Variants in SPDL1 observed in about 807,000 individuals in gnomAD.
The protein encoded by SPDL1 is spindle apparatus coiled-coil protein 1.
In SPDL1, 85 loss-of-function variants were observed where a neutral mutation model predicts 79.5. The observed-to-expected ratio is 1.07, with a 90% CI of 0.90 to 1.28. The LOEUF (loss-of-function observed/expected upper bound fraction) is 1.28. SPDL1 is among the 50% of genes most tolerant of loss of function. SPDL1 has a pLI of 0.00. For synonymous variants in SPDL1, 269 were observed against 240.3 expected, an observed-to-expected ratio of 1.12 and a Z score of -1.10; for missense variants, 703 against 697.8, an observed-to-expected ratio of 1.01 and a Z score of -0.08.
At chr5:169,590,500 A>G (rs1489412132) in intron 2 of SPDL1, among the ~76,000 whole-genome samples, 1 of 152,212 alleles carries the variant, frequency 6.6e-6, no homozygotes, top group Non-Finnish European at 1.5e-5. Context: ...TTAATGTCTA[A>G]ACTTCCCTGT....
Position 169,588,666 on chromosome 5 carries a change from T to C in SPDL1, c.159+91T>C, listed in dbSNP as rs536150345. The C allele has an allele frequency of 1.4e-4, 171 of 1,220,752 alleles. 1 individual carries two copies. In the African/African-American group the frequency reaches 2.5e-3, roughly 18 times the overall value. 75.6% of individuals were successfully genotyped at this position (1,220,752 alleles called of 1,614,324 possible). ...AATTAATAGTAGTAGTAGTTTATTCTTTTCTGAAGATTTTAGATCTAGTTC... is the reference window on the plus strand; with the variant it reads ...AATTAATAGTAGTAGTAGTTTATTCCTTTCTGAAGATTTTAGATCTAGTTC... On this transcript the variant is annotated intron_variant, in intron 2 of 11. Transcript: ENST00000265295.
At chr5:169,584,808 A>G (rs1754896499) in intron 1 of SPDL1, among the ~76,000 whole-genome samples, 1 of 152,184 alleles carries the variant, frequency 6.6e-6, no homozygotes, top group African/African-American at 2.4e-5. Context: ...AATGAGGGAA[A>G]TACCTTCAAC....
intron 1 of SPDL1, chr5:169,587,189 G>A (rs1407981814): frequency 6.6e-6 from 1 of 151,988 alleles, no homozygotes; most frequent in Non-Finnish European, 1.5e-5. Context: ...TTCCCCTCCT[G>A]GAATGTAAGT....
intron 9 of SPDL1, 121 bp from the exon 10 acceptor site, chr5:169,598,850 CT>C (rs1193452477): frequency 1.5e-6 from 2 of 1,312,178 alleles, no homozygotes; most frequent in African/African-American, 3.0e-5. Context: ...TTCTTTGTTA[CT>C]AAAAACCCCA....
At position 169,604,138 on chromosome 5, in the gene SPDL1, T is replaced by C. The variant is rs777240955; in HGVS notation, c.1749T>C (p.Cys583=). ...CAAGCAAATTGGAAAAAGAAACTTG[T>C]AAGAAATTACACCCTATTCTATATG... ...ETSSKLEKET[C]KKLHPILYVS... Residue 583 remains cysteine (C), a synonymous_variant, in exon 12 of 12, where the codon TGT becomes TGC. Transcript: ENST00000265295. 1 of 1,613,372 alleles carries C rather than the reference T, an allele frequency of 6.2e-7. No individual in the cohort carries two copies. The highest frequency in any genetic ancestry group is 1.3e-5 in the African/African-American group (1 of 74,874).
rs1284949831 is a variant in SPDL1, at chr5:169,599,712, A to G, written c.1324+553A>G. ...CATGCAGCCTCACCTGCTGACAGGA[A>G]GGGCTGAGAAATGCAGTCTTGATTC... On this transcript the variant is annotated intron_variant, in intron 10 of 11. Transcript: ENST00000265295. Among the ~76,000 whole-genome samples, 3 of 152,150 alleles carry G rather than the reference A, an allele frequency of 2.0e-5. No homozygotes were observed. In the East Asian group the frequency reaches 5.8e-4, roughly 29 times the overall value.
intron 11 of SPDL1, among the ~76,000 whole-genome samples, chr5:169,603,376 G>C (rs1169163171): frequency 6.6e-6 from 1 of 151,894 alleles, no homozygotes; most frequent in African/African-American, 2.4e-5. Flanking sequence ...GAAACAAATA[G>C]ACATCTATTC....
In SPDL1 at chr5:169,594,506, T is replaced by A; in HGVS notation, c.780+14T>A. On this transcript the variant is annotated intron_variant, in intron 6 of 11. Coordinates refer to ENST00000265295, the MANE Select transcript of SPDL1 (RefSeq NM_017785.5). ...TTGTTTGCAGAGGTACTTATAAGTA[T>A]CCTAACTACTAAATTGGTATTTTCA... 6.2e-7 allele frequency: 1 copy of A among 1,612,292 alleles called. No homozygotes were observed. Among genetic ancestry groups the A allele is most frequent in the Non-Finnish European group, 8.5e-7 (1 of 1,178,342 alleles).
chr5:169,593,225 T>C (rs1006621103), intron 3 of SPDL1, 129 bp from the exon 4 acceptor site: 16 of 758,928 alleles, frequency 2.1e-5, no homozygotes, highest in African/African-American at 3.6e-5. Context: ...AAAAGATGCC[T>C]AACCTTGGGC....
intron 3 of SPDL1, among the ~76,000 whole-genome samples, chr5:169,591,530 G>A (rs1178461611): frequency 1.3e-5 from 2 of 152,196 alleles, no homozygotes; most frequent in Non-Finnish European, 2.9e-5. Flanking sequence ...CTTGCAGAAA[G>A]CCTCGTCTCC....
At chr5:169,598,207 G>A (rs571757283) in intron 8 of SPDL1, among the ~76,000 whole-genome samples, 1 of 152,304 alleles carries the variant, frequency 6.6e-6, no homozygotes, top group African/African-American at 2.4e-5. Context: ...TGTAGGTAAG[G>A]CTAGAAGCCT....
intron 1 of SPDL1, chr5:169,587,354 G>T (rs1361143244): frequency 1.3e-5 from 2 of 152,152 alleles, no homozygotes; most frequent in African/African-American, 4.8e-5. Context: ...CAATGACCTG[G>T]TGCCCTTTGA....
At chr5:169,589,324 C>T (rs1409677890) in intron 2 of SPDL1, among the ~76,000 whole-genome samples, 4 of 152,180 alleles carry the variant, frequency 2.6e-5, no homozygotes, top group Non-Finnish European at 5.9e-5. Flanking sequence ...GCCATTCATT[C>T]TTCACTCAGC....
At chr5:169,594,534 T>C (rs1358165470) in intron 6 of SPDL1, 37 bp from the exon 7 acceptor site, 1 of 1,610,854 alleles carries the variant, frequency 6.2e-7, no homozygotes, top group Non-Finnish European at 8.5e-7. Flanking sequence ...TATTTTCATT[T>C]ACTACCAGAA....
chr5:169,601,291 G>C lies in SPDL1; in HGVS notation c.1336G>C (p.Val446Leu). Residue 446 changes from valine (V) to leucine (L), a missense_variant, in exon 11 of 12, where the codon GTG becomes CTG. Transcript: ENST00000265295. ...GTTTTTATTCTCAGAGACAGTTGAAGTGCCTGTACTGAAAAAGAGGCGTGA... is the reference window on the plus strand; with the variant it reads ...GTTTTTATTCTCAGAGACAGTTGAACTGCCTGTACTGAAAAAGAGGCGTGA... ...LKYEPEETVEVPVLKKRREVL... is the reference protein window; with the variant it reads ...LKYEPEETVELPVLKKRREVL... 1 of 1,606,524 alleles carries C rather than the reference G, an allele frequency of 6.2e-7. No homozygotes were observed. The highest frequency in any genetic ancestry group is 8.5e-7 in the Non-Finnish European group (1 of 1,177,218).
chr5:169,589,559 CT>C (rs11313055), intron 2 of SPDL1, among the ~76,000 whole-genome samples: 15,420 of 140,506 alleles, frequency 0.11, 1,323 homozygotes, highest in African/African-American at 0.25. Context: ...CAGCTATTGC[CT>C]TTTTTTTTTT....
intron 2 of SPDL1, 126 bp from the exon 3 acceptor site, chr5:169,590,922 T>C (rs1755242084): frequency 1.2e-6 from 1 of 843,222 alleles, no homozygotes; most frequent in Admixed American, 2.2e-5. Context: ...GTTTAACATG[T>C]CTTCGTTATT....
At chr5:169,601,212 G>T (rs1266146245) in intron 10 of SPDL1, 68 bp from the exon 11 acceptor site, 1 of 1,420,472 alleles carries the variant, frequency 7.0e-7, no homozygotes, top group Admixed American at 2.3e-5. Context: ...ACTAGTTCTG[G>T]CTTCTTGTGT....
intron 3 of SPDL1, among the ~76,000 whole-genome samples, chr5:169,591,969 T>C (rs1019827864): frequency 4.6e-5 from 7 of 152,220 alleles, no homozygotes; most frequent in African/African-American, 1.7e-4. Context: ...AATCCAGAAC[T>C]TTTTATCATG....
Sources: allele counts gnomAD v4.1 joint callset (sites outside exome capture counted in the v4.1 genomes callset), GRCh38; gene constraint gnomAD v4.1.1; transcripts MANE v1.5; gene names NCBI Gene and HGNC (gene_info 2026-07-23, HGNC 2026-07-21).